The following PDE4A variants were observed in gnomAD, a reference collection of about 807,000 sequenced individuals.
PDE4A encodes phosphodiesterase 4A.
In PDE4A, 21 loss-of-function variants were observed where a neutral mutation model predicts 73.9. The ratio of observed to expected loss-of-function variants is 0.28; its 90% CI spans 0.20 to 0.41. The LOEUF (loss-of-function observed/expected upper bound fraction) is 0.41. Ranked by LOEUF, PDE4A falls within the 10% of genes least tolerant of loss-of-function variation. The probability of loss-of-function intolerance (pLI) is 1.00; values close to 1 mark genes in which losing one functional copy is unlikely to be tolerated. For missense variants in PDE4A, 958 were observed against 1,211.4 expected (o/e 0.79, Z 3.10); for synonymous variants, 463 against 505.4 (o/e 0.92, Z 1.13).
chr19:10,440,449 G>T (rs2042922162), intron 1 of PDE4A, among the ~76,000 whole-genome samples: 1 of 151,042 alleles, frequency 6.6e-6, no homozygotes, highest in Non-Finnish European at 1.5e-5. Flanking sequence ...TTTGAGACAG[G>T]GTCTCACTCT....
At chr19:10,454,755 T>C in intron 6 of PDE4A, 74 bp from the exon 7 acceptor site, 1 of 1,604,482 alleles carries the variant, frequency 6.2e-7, no homozygotes, top group South Asian at 1.1e-5. Context: ...TCAGGCGTTC[T>C]TGGGAAGGAC....
intron 13 of PDE4A, among the ~76,000 whole-genome samples, chr19:10,463,027 TC>T (rs2043299939): frequency 6.6e-6 from 1 of 152,012 alleles, no homozygotes; most frequent in Admixed American, 6.6e-5. Context: ...GATCCTCTTT[TC>T]CTTTCCTTTC....
In PDE4A at chr19:10,446,311, C is replaced by T. The variant is rs201748470; in HGVS notation, c.414C>T (p.Ala138=). The change falls in exon 2 of 15, where the codon GCC becomes GCT. Residue 138 remains alanine (A), a synonymous_variant. Coordinates refer to ENST00000380702, the MANE Select transcript of PDE4A (RefSeq NM_001111307.2). ...GACTCGTGCTGCACGCCGGGGCGGC[C>T]ACCAGCCAGCGCCGGGAGTCCTTCC... The part of the protein sequence containing the change: ...SPGLVLHAGA[A]TSQRRESFLY... The T allele has an allele frequency of 5.6e-6, 9 of 1,613,238 alleles. No homozygotes were observed. Among genetic ancestry groups the T allele is most frequent in the Non-Finnish European group, 7.6e-6 (9 of 1,179,574 alleles).
At position 10,424,051 on chromosome 19, in the gene PDE4A, C is replaced by T. The variant is rs1465495600; in HGVS notation, c.320+2967C>T. Among the ~76,000 whole-genome samples the T allele has an allele frequency of 6.6e-6, 1 of 152,208 alleles. No homozygotes were observed. Among genetic ancestry groups the T allele is most frequent in the Non-Finnish European group, 1.5e-5 (1 of 68,042 alleles). On this transcript the variant is annotated intron_variant, in intron 1 of 14. Transcript: ENST00000380702. This position sits in a 1 kb window ranked among gnomAD's most constrained non-coding sequence, Gnocchi z 4.8. The stretch of plus-strand genomic sequence containing the variant: ...TTCATCCAGCTACCGCAAAAGGAGT[C>T]CAGCGAGCTCCCCCGATTTGGGTCA...
intron 1 of PDE4A, chr19:10,432,445 G>A (rs1052542833): frequency 6.8e-7 from 1 of 1,479,236 alleles, no homozygotes; most frequent in Admixed American, 2.7e-5. Flanking sequence ...ATGCGCTCCG[G>A]TGCAGCGCCC....
Position 10,467,595 on chromosome 19 carries a change from G to C in PDE4A, c.2635G>C (p.Gly879Arg). ...ATCCGCACTCCCAGCTCCTGGTGGC[G>C]GGGGGTCAGGTGGAGACCCTACCTG... The part of the protein sequence containing the change: ...DTSALPAPGG[G>R]GSGGDPT Residue 879 changes from glycine (G) to arginine (R), a missense_variant, in exon 15 of 15, where the codon GGG (glycine) becomes CGG (arginine). Transcript: ENST00000380702. 1.3e-6 allele frequency: 2 copies of C among 1,582,074 alleles called. No individual in the cohort carries two copies. Among genetic ancestry groups the C allele is most frequent in the Non-Finnish European group, 1.7e-6 (2 of 1,161,794 alleles).
upstream of PDE4A, chr19:10,417,240 G>A (rs984793172): frequency 6.1e-6 from 6 of 985,242 alleles, no homozygotes; most frequent in Non-Finnish European, 7.2e-6. Context: ...GCGAGGAGGT[G>A]GGAGGGGGCG....
upstream of PDE4A, chr19:10,418,685 A>C: frequency 2.4e-6 from 2 of 822,884 alleles, no homozygotes; most frequent in Non-Finnish European, 2.9e-6. Context: ...AGCTCAGGCC[A>C]CCGCTCCTCG....
intron 1 of PDE4A, among the ~76,000 whole-genome samples, chr19:10,441,063 C>A (rs2042931529): frequency 6.6e-6 from 1 of 151,926 alleles, no homozygotes; most frequent in East Asian, 1.9e-4. Flanking sequence ...CAAAGTCTCC[C>A]TCTGTCGTCC....
At chr19:10,430,878 G>C in intron 1 of PDE4A, 1 of 1,465,026 alleles carries the variant, frequency 6.8e-7, no homozygotes, top group Non-Finnish European at 9.0e-7. Flanking sequence ...CCGCATCCCG[G>C]AGCTGCAACT....
chr19:10,445,061 A>AC (rs1197987513), intron 1 of PDE4A, among the ~76,000 whole-genome samples: 1 of 152,124 alleles, frequency 6.6e-6, no homozygotes, highest in Non-Finnish European at 1.5e-5. Flanking sequence ...GTGGGACAGG[A>AC]CCTGTGAGCT....
rs369309795 is a variant in PDE4A, at chr19:10,459,479, T to C, written c.1181T>C (p.Ile394Thr). Residue 394 changes from isoleucine to threonine, a missense_variant, in exon 9 of 15, where the codon ATC becomes ACC. Physicochemically the swap from Ile to Thr is moderately conservative, Grantham distance 89. Coordinates refer to ENST00000380702, the MANE Select transcript of PDE4A (RefSeq NM_001111307.2). The part of the protein sequence containing the change: ...DYAGGRSLTC[I>T]MYMIFQERDL... Reference sequence around the variant, plus strand: ...GCTGGAGGCCGCTCACTCACCTGCATCATGTACATGATATTCCAGGTGATG... The same window carrying C: ...GCTGGAGGCCGCTCACTCACCTGCACCATGTACATGATATTCCAGGTGATG... 4 of 1,613,876 alleles carry C rather than the reference T, an allele frequency of 2.5e-6. No individual in the cohort carries two copies. The African/African-American group carries it at 5.3e-5, about 22-fold the overall frequency.
At chr19:10,422,880 G>A (rs1159613062) in intron 1 of PDE4A, among the ~76,000 whole-genome samples, 1 of 152,216 alleles carries the variant, frequency 6.6e-6, no homozygotes, top group African/African-American at 2.4e-5. Context: ...GACACCAAGG[G>A]GTGGGTGAAG....
intron 14 of PDE4A, among the ~76,000 whole-genome samples, chr19:10,466,498 TTTTTTG>T (rs1374648060): frequency 2.0e-5 from 3 of 148,080 alleles, no homozygotes; most frequent in African/African-American, 7.5e-5. Flanking sequence ...ATGTATACAT[TTTTTTG>T]TTTTTGTTTT....
Position 10,466,999 on chromosome 19 carries a change from A to T in PDE4A, c.2039A>T (p.Tyr680Phe). Residue 680 changes from tyrosine (Y) to phenylalanine (F), a missense_variant, in exon 15 of 15, where the codon TAC becomes TTC. Physicochemically the swap from Tyr to Phe is conservative, Grantham distance 22. This residue lies in a region of PDE4A where 570 missense variants were observed against 827.7 expected (regional missense o/e 0.69). Transcript: ENST00000380702. ...TTGGAGGACAACCGGGACTGGTACT[A>T]CAGCGCCATCCGGCAGAGCCCATCT... ...DTLEDNRDWY[Y>F]SAIRQSPSPP... 6.2e-7 allele frequency: 1 copy of T among 1,614,148 alleles called. No homozygotes were observed.
In PDE4A at chr19:10,461,568, A is replaced by C; in HGVS notation, c.1508A>C (p.Glu503Ala). ...ALMYNDESVL[E>A]NHHLAVGFKL... is the part of the protein sequence containing the mutation. ...ATGTACAACGATGAGTCGGTGCTCGAGAATCACCACCTGGCCGTGGGCTTC... is the reference window on the plus strand; with the variant it reads ...ATGTACAACGATGAGTCGGTGCTCGCGAATCACCACCTGGCCGTGGGCTTC... Residue 503 changes from glutamate to alanine, a missense_variant, in exon 12 of 15, where the codon GAG becomes GCG. Physicochemically the swap from Glu to Ala is moderately radical, Grantham distance 107. Coordinates refer to ENST00000380702, the MANE Select transcript of PDE4A (RefSeq NM_001111307.2). 1.2e-6 allele frequency: 2 copies of C among 1,614,118 alleles called. No homozygotes were observed. The highest frequency in any genetic ancestry group is 2.2e-5 in the South Asian group (2 of 91,082).
chr19:10,467,094 A>T lies in PDE4A; in HGVS notation c.2134A>T (p.Thr712Ser), dbSNP rs2043387355. 5 of 1,614,154 alleles carry T rather than the reference A, an allele frequency of 3.1e-6. No individual in the cohort carries two copies. The highest frequency in any genetic ancestry group is 4.2e-6 in the Non-Finnish European group (5 of 1,180,010). Residue 712 changes from threonine (T) to serine (S), a missense_variant, in exon 15 of 15, where the codon ACG becomes TCG. Thr to Ser is a moderately conservative substitution (Grantham distance 58). This residue lies in a region of PDE4A where 243 missense variants were observed against 245.9 expected (regional missense o/e 0.99). Transcript: ENST00000380702. ...GCCTGACAAGTTCCAGTTTGAGCTG[A>T]CGCTGGAGGAGGAAGAGGAGGAAGA... ...PLPDKFQFEL[T>S]LEEEEEEEIS...
upstream of PDE4A, chr19:10,416,807 G>T: frequency 6.6e-7 from 1 of 1,518,780 alleles, no homozygotes; most frequent in South Asian, 1.2e-5. Context: ...GGCAAGTGGC[G>T]GGGGCGGGTT....
chr19:10,430,652 C>T (rs2042774665), intron 1 of PDE4A, among the ~76,000 whole-genome samples: 1 of 151,792 alleles, frequency 6.6e-6, no homozygotes, highest in Non-Finnish European at 1.5e-5. Context: ...GCGGGAGAGT[C>T]CCCACCAGAG....
Sources: allele counts gnomAD v4.1 joint callset (sites outside exome capture counted in the v4.1 genomes callset), GRCh38; gene constraint gnomAD v4.1.1; regional missense constraint gnomAD v4.1.1; non-coding constraint Gnocchi (gnomAD v3.1); transcripts MANE v1.5; gene names NCBI Gene and HGNC (gene_info 2026-07-23, HGNC 2026-07-21).